The following CDK13 variants were observed in gnomAD, a reference collection of about 807,000 sequenced individuals.
CDK13 encodes cyclin dependent kinase 13.
Under a neutral mutation model 137.6 loss-of-function variants are expected in CDK13, and 40 were observed. That is an observed-to-expected ratio of 0.29 (90% CI 0.23 to 0.38). The LOEUF is 0.38. Ranked by LOEUF, CDK13 falls within the 10% of genes least tolerant of loss-of-function variation. The pLI is 1.00. For missense variants in CDK13, 1,704 were observed against 1,951.8 expected (o/e 0.87, Z 2.39); for synonymous variants, 869 against 760.1 (o/e 1.14, Z -2.36).
chr7:40,058,194 G>A (rs1229335076), intron 7 of CDK13, among the ~76,000 whole-genome samples: 7 of 152,110 alleles, frequency 4.6e-5, no homozygotes, highest in African/African-American at 1.7e-4. Context: ...ACTCAGTACG[G>A]CCTGAGAACA....
chr7:40,033,494 G>A (rs538825055), intron 5 of CDK13, among the ~76,000 whole-genome samples: 1 of 152,256 alleles, frequency 6.6e-6, no homozygotes, highest in South Asian at 2.1e-4. Flanking sequence ...TGGTGTAGAA[G>A]GAACTGAGGT....
intron 5 of CDK13, among the ~76,000 whole-genome samples, chr7:40,017,059 A>G (rs537003509): frequency 6.6e-6 from 1 of 152,090 alleles, no homozygotes; most frequent in Non-Finnish European, 1.5e-5. Flanking sequence ...CTATTCATGA[A>G]TTTTTTCAAA....
At chr7:40,001,676 T>A (rs924411165) in intron 4 of CDK13, among the ~76,000 whole-genome samples, 185 bp from the exon 5 acceptor site, 1 of 152,252 alleles carries the variant, frequency 6.6e-6, no homozygotes, top group Non-Finnish European at 1.5e-5. Context: ...TTCCATAATT[T>A]GTTTAATGAC....
At chr7:40,076,064 A>G (rs762095442) in intron 9 of CDK13, among the ~76,000 whole-genome samples, 1 of 151,416 alleles carries the variant, frequency 6.6e-6, no homozygotes, top group Non-Finnish European at 1.5e-5. Flanking sequence ...ATTATAACCA[A>G]AATTCTTCAC....
intron 2 of CDK13, among the ~76,000 whole-genome samples, chr7:39,997,264 A>C (rs1217180347): frequency 6.6e-6 from 1 of 152,162 alleles, no homozygotes; most frequent in Non-Finnish European, 1.5e-5. Context: ...CCTACTTTAT[A>C]CAGATTTCCT....
At chr7:39,961,968 A>G (rs1783752165) in intron 1 of CDK13, among the ~76,000 whole-genome samples, 1 of 152,198 alleles carries the variant, frequency 6.6e-6, no homozygotes, top group African/African-American at 2.4e-5. Context: ...ACATGAACTC[A>G]TCATTTTTTA....
chr7:40,086,867 CAGTGGCATGAT>C (rs1187045554), intron 11 of CDK13, among the ~76,000 whole-genome samples: 3 of 143,638 alleles, frequency 2.1e-5, no homozygotes, highest in Non-Finnish European at 4.5e-5. Context: ...GGCCAGAGTG[CAGTGGCATGAT>C]CTTGGCTCTC....
chr7:39,970,837 G>T (rs950967989), intron 1 of CDK13, among the ~76,000 whole-genome samples: 2 of 152,172 alleles, frequency 1.3e-5, no homozygotes, highest in Non-Finnish European at 2.9e-5. Flanking sequence ...ATGAGAAGAG[G>T]CACTTATATT....
chr7:40,006,738 C>T (rs1410669342), intron 5 of CDK13, among the ~76,000 whole-genome samples: 3 of 152,180 alleles, frequency 2.0e-5, no homozygotes, highest in South Asian at 2.1e-4. Flanking sequence ...GCCGAGATTG[C>T]GCCACTGCAC....
At chr7:40,094,066 A>G in intron 13 of CDK13, 64 bp from the exon 14 acceptor site, 1 of 1,546,284 alleles carries the variant, frequency 6.5e-7, no homozygotes, top group Non-Finnish European at 8.8e-7. Flanking sequence ...GGAAACACTG[A>G]GTATTTTGAA....
At chr7:40,057,682 GTAA>G (rs1167954064) in intron 7 of CDK13, among the ~76,000 whole-genome samples, 1 of 152,200 alleles carries the variant, frequency 6.6e-6, no homozygotes, top group African/African-American at 2.4e-5. Context: ...TTAGCAAAAG[GTAA>G]TAATGTAGGT....
chr7:40,017,688 C>CT (rs1196859163), intron 5 of CDK13, among the ~76,000 whole-genome samples: 1 of 150,910 alleles, frequency 6.6e-6, no homozygotes, highest in Non-Finnish European at 1.5e-5. Flanking sequence ...CTTTGTTTTT[C>CT]TTTGTTATTT....
intron 7 of CDK13, among the ~76,000 whole-genome samples, chr7:40,050,373 C>A (rs181456556): frequency 1.3e-5 from 2 of 152,018 alleles, no homozygotes; most frequent in Admixed American, 6.5e-5. Context: ...ATATTTTTTT[C>A]TTCTGCTGTT....
intron 9 of CDK13, among the ~76,000 whole-genome samples, chr7:40,068,804 A>T (rs1562758401): frequency 6.6e-6 from 1 of 151,632 alleles, no homozygotes; most frequent in Non-Finnish European, 1.5e-5. Context: ...ATTGAGATTG[A>T]TCTCATTTAG....
intron 1 of CDK13, chr7:39,986,998 G>T (rs1221780029): frequency 6.6e-6 from 1 of 152,152 alleles, no homozygotes; most frequent in East Asian, 1.9e-4. Flanking sequence ...CACTATGTTG[G>T]CCAGGCTGGT....
chr7:39,951,606 G>T lies in CDK13; in HGVS notation c.965G>T (p.Arg322Leu), dbSNP rs1414182204. The change falls in exon 1 of 14, where the codon CGG (arginine) becomes CTG (leucine). Residue 322 changes from arginine (R) to leucine (L), a missense_variant. Arg to Leu is a moderately radical substitution (Grantham distance 102). Coordinates refer to ENST00000181839, the MANE Select transcript of CDK13 (RefSeq NM_003718.5). ...RRRSLSPLGGRDDSPVSHRAS... is the reference protein window; with the variant it reads ...RRRSLSPLGGLDDSPVSHRAS... Reference sequence around the variant, plus strand: ...CGGTCCCTCAGCCCACTGGGAGGCCGGGACGACAGCCCGGTGTCCCACAGG... The same window carrying T: ...CGGTCCCTCAGCCCACTGGGAGGCCTGGACGACAGCCCGGTGTCCCACAGG... 2 of 1,482,462 alleles carry T rather than the reference G, an allele frequency of 1.3e-6. No individual in the cohort carries two copies. The highest frequency in any genetic ancestry group is 1.8e-6 in the Non-Finnish European group (2 of 1,119,524). 91.8% of individuals were successfully genotyped at this position (1,482,462 alleles called of 1,614,324 possible). A position where few individuals can be genotyped will look rare whatever the true frequency, so the allele number is the denominator to read the frequency against.
chr7:39,950,786 C>G lies in CDK13; in HGVS notation c.145C>G (p.Leu49Val), dbSNP rs1787130405. The change falls in exon 1 of 14, where the codon CTG becomes GTG. Residue 49 changes from leucine (L) to valine (V), a missense_variant. Transcript: ENST00000181839. ...GTTGCCGCTCCTGCAGCCGCAGCTC[C>G]TGCAACCGCCGCCGCCCCCGCCGCC... is the stretch of plus-strand genomic sequence containing the variant. Reference protein sequence around the residue: ...LLLPLLQPQLLQPPPPPPPLL... With the variant: ...LLLPLLQPQLVQPPPPPPPLL... The G allele has an allele frequency of 6.8e-7, 1 of 1,469,224 alleles. No individual in the cohort carries two copies. Among genetic ancestry groups the G allele is most frequent in the Non-Finnish European group, 8.9e-7 (1 of 1,117,754 alleles). The allele number at this position is 1,469,224 out of a possible 1,614,324, so 91.0% of individuals were successfully genotyped here.
At position 40,094,380 on chromosome 7, in the gene CDK13, T is replaced by C. The variant is rs17496805; in HGVS notation, c.3939T>C (p.Asp1313=). ...LQLLAQHQPQ[D]DPKREGGIDY... is the part of the protein sequence containing the mutation. ...TGCTTGCTCAGCATCAGCCCCAGGATGACCCCAAAAGAGAAGGTGGGATTG... is the reference window on the plus strand; with the variant it reads ...TGCTTGCTCAGCATCAGCCCCAGGACGACCCCAAAAGAGAAGGTGGGATTG... Residue 1313 remains aspartate (D), a synonymous_variant, in exon 14 of 14, where the codon GAT becomes GAC. Transcript: ENST00000181839. 6.1e-3 allele frequency: 9,843 copies of C among 1,613,968 alleles called. 444 individuals carry two copies. In the African/African-American group the frequency reaches 0.11, roughly 18 times the overall value.
chr7:39,984,490 T>C (rs780035322), intron 1 of CDK13: 2 of 152,128 alleles, frequency 1.3e-5, no homozygotes, highest in African/African-American at 2.4e-5. Context: ...TAAAAAAATT[T>C]TGTGGGTGCA....
Sources: allele counts gnomAD v4.1 joint callset (sites outside exome capture counted in the v4.1 genomes callset), GRCh38; gene constraint gnomAD v4.1.1; transcripts MANE v1.5; gene names NCBI Gene and HGNC (gene_info 2026-07-23, HGNC 2026-07-21).